ATP8A1: variants seen among roughly 807,000 people sequenced by gnomAD.
ATP8A1 encodes ATPase phospholipid transporting 8A1, also known as phospholipid-transporting ATPase IA.
A neutral mutation model predicts 177.7 loss-of-function variants in ATP8A1; 90 were observed. The ratio of observed to expected loss-of-function variants is 0.51; its 90% CI spans 0.43 to 0.60. The LOEUF is 0.60. ATP8A1 is among the 20% of genes least tolerant of loss of function. The probability of loss-of-function intolerance (pLI) is 0.00; values close to 1 mark genes in which losing one functional copy is unlikely to be tolerated. For synonymous variants in ATP8A1, 493 were observed against 485.9 expected, an observed-to-expected ratio of 1.01 and a Z score of -0.19; for missense variants, 1,072 against 1,392.8, an observed-to-expected ratio of 0.77 and a Z score of 3.67.
At position 42,464,877 on chromosome 4, in the gene ATP8A1, A is replaced by G. The variant is rs780047512; in HGVS notation, c.2508+16T>C. ...GACTGAGAGGAATGATGTGTTTTGCAGAAATGACGCTTTACCTGAGCTATG... is the reference window on the plus strand; with the variant it reads ...GACTGAGAGGAATGATGTGTTTTGCGGAAATGACGCTTTACCTGAGCTATG... On this transcript the variant is annotated intron_variant, in intron 26 of 36. Transcript: ENST00000381668. 1.9e-5 allele frequency: 30 copies of G among 1,613,398 alleles called. No homozygotes were observed. The highest frequency in any genetic ancestry group is 2.5e-5 in the Non-Finnish European group (30 of 1,179,476).
intron 16 of ATP8A1, among the ~76,000 whole-genome samples, chr4:42,555,134 TATCTAATC>T (rs1217457425): frequency 0.038 from 3,177 of 83,600 alleles, 82 homozygotes; most frequent in African/African-American, 0.045. Context: ...TCTATCTATC[TATCTAATC>T]TATCTATCTA....
intron 19 of ATP8A1, 147 bp downstream of exon 19, chr4:42,548,866 A>G: frequency 1.6e-6 from 1 of 634,794 alleles, no homozygotes. Flanking sequence ...AGAATAAAAA[A>G]TGTACTAAAG....
Position 42,433,950 on chromosome 4 carries a change from T to A in ATP8A1, c.3123+9615A>T, listed in dbSNP as rs1040685040. 5.4e-4 allele frequency among the ~76,000 whole-genome samples: 82 copies of A among 151,886 alleles called. 1 individual carries two copies. Among genetic ancestry groups the A allele is most frequent in the African/African-American group, 1.8e-3 (73 of 41,430 alleles). On this transcript the variant is annotated intron_variant, in intron 33 of 36. Coordinates refer to ENST00000381668, the MANE Select transcript of ATP8A1 (RefSeq NM_006095.2). The stretch of plus-strand genomic sequence containing the variant: ...ACTAGAAGTTAATTTTTATAAAAAA[T>A]TTTTTGACTATATATCAATGCATAC...
chr4:42,611,778 C>T (rs2109435802), intron 5 of ATP8A1, among the ~76,000 whole-genome samples: 1 of 152,320 alleles, frequency 6.6e-6, no homozygotes, highest in Non-Finnish European at 1.5e-5. Context: ...GGACTGGCTT[C>T]AATGTGCATA....
intron 30 of ATP8A1, among the ~76,000 whole-genome samples, chr4:42,449,107 A>T (rs957531301): frequency 6.6e-6 from 1 of 152,160 alleles, no homozygotes; most frequent in South Asian, 2.1e-4. Flanking sequence ...AAGTGCTGGG[A>T]TTACAGGTGT....
intron 24 of ATP8A1, among the ~76,000 whole-genome samples, chr4:42,493,149 G>A (rs1334058085): frequency 1.3e-5 from 2 of 152,262 alleles, no homozygotes; most frequent in East Asian, 1.9e-4. Context: ...AGGCTGGCCC[G>A]TGAGGGTGCA....
chr4:42,548,594 A>T (rs1354560272), intron 19 of ATP8A1, among the ~76,000 whole-genome samples: 1 of 152,174 alleles, frequency 6.6e-6, no homozygotes, highest in Non-Finnish European at 1.5e-5. Flanking sequence ...TACACAACAC[A>T]TTGTTGTTAA....
In ATP8A1 at chr4:42,625,594, G is replaced by A; in HGVS notation, c.264+20C>T. ...TATTAGTACCTGAACATTTGACAAG[G>A]TTTTATGACGTGACTTTACCTGCAG... On this transcript the variant is annotated intron_variant, in intron 3 of 36. Transcript: ENST00000381668. 2.6e-6 allele frequency: 4 copies of A among 1,530,790 alleles called. No individual in the cohort carries two copies. Among genetic ancestry groups the A allele is most frequent in the East Asian group, 2.3e-5 (1 of 43,792 alleles). 94.8% of individuals were successfully genotyped at this position (1,530,790 alleles called of 1,614,324 possible).
intron 5 of ATP8A1, among the ~76,000 whole-genome samples, chr4:42,612,626 C>T (rs1736480642): frequency 6.6e-6 from 1 of 151,710 alleles, no homozygotes; most frequent in Non-Finnish European, 1.5e-5. Context: ...GAATCATCAA[C>T]CAAACCAGCT....
intron 14 of ATP8A1, among the ~76,000 whole-genome samples, chr4:42,571,660 A>ACATTACTGGCCGGG (rs1383502721): frequency 6.6e-6 from 1 of 152,164 alleles, no homozygotes; most frequent in African/African-American, 2.4e-5. Flanking sequence ...TTACAGTAAA[A>ACATTACTGGCCGGG]TGTCTGGTTT....
At chr4:42,648,539 A>C (rs1176366666) in intron 1 of ATP8A1, among the ~76,000 whole-genome samples, 1 of 152,188 alleles carries the variant, frequency 6.6e-6, no homozygotes, top group African/African-American at 2.4e-5. Flanking sequence ...ACCACAAAGT[A>C]AATCACACAG....
chr4:42,547,222 C>A (rs1371022766), intron 19 of ATP8A1, among the ~76,000 whole-genome samples: 1 of 152,284 alleles, frequency 6.6e-6, no homozygotes, highest in Non-Finnish European at 1.5e-5. Flanking sequence ...CTCTATCTAC[C>A]CAGTTGTTCA....
intron 11 of ATP8A1, among the ~76,000 whole-genome samples, 175 bp from the exon 12 acceptor site, chr4:42,578,562 T>C (rs1175425009): frequency 6.6e-6 from 1 of 152,174 alleles, no homozygotes; most frequent in Non-Finnish European, 1.5e-5. Flanking sequence ...TAGAATTGCA[T>C]TGTGTTCAAT....
chr4:42,548,830 GGTTT>G (rs1376742718), intron 19 of ATP8A1, among the ~76,000 whole-genome samples, 179 bp downstream of exon 19: 2 of 151,878 alleles, frequency 1.3e-5, no homozygotes, highest in East Asian at 3.9e-4. Context: ...TGAAGAAAGT[GGTTT>G]GTAATTTATC....
chr4:42,443,323 A>G (rs186805220), intron 33 of ATP8A1, among the ~76,000 whole-genome samples: 112 of 152,282 alleles, frequency 7.4e-4, no homozygotes, highest in African/African-American at 2.6e-3. Flanking sequence ...CGACAACCAT[A>G]TTTTATTGTC....
chr4:42,541,710 A>G (rs1464917215), intron 20 of ATP8A1, among the ~76,000 whole-genome samples: 1 of 152,204 alleles, frequency 6.6e-6, no homozygotes, highest in Non-Finnish European at 1.5e-5. Context: ...CTCTCAAGCC[A>G]TGAAAAGACA....
intron 1 of ATP8A1, among the ~76,000 whole-genome samples, chr4:42,644,124 T>A (rs1042185892): frequency 6.6e-6 from 1 of 152,200 alleles, no homozygotes; most frequent in African/African-American, 2.4e-5. Flanking sequence ...GAAAAATATC[T>A]GACCTATAAA....
At chr4:42,519,181 G>A (rs748061999) in intron 22 of ATP8A1, among the ~76,000 whole-genome samples, 1 of 152,068 alleles carries the variant, frequency 6.6e-6, no homozygotes, top group African/African-American at 2.4e-5. Context: ...TCAGTCTCCT[G>A]GGCTCAGGCA....
chr4:42,613,259 T>C (rs2109440958), intron 5 of ATP8A1, among the ~76,000 whole-genome samples: 1 of 152,282 alleles, frequency 6.6e-6, no homozygotes, highest in South Asian at 2.1e-4. Context: ...ACTATTCTCT[T>C]AGGAAACAAA....
Sources: allele counts gnomAD v4.1 joint callset (sites outside exome capture counted in the v4.1 genomes callset), GRCh38; gene constraint gnomAD v4.1.1; transcripts MANE v1.5; gene names NCBI Gene and HGNC (gene_info 2026-07-23, HGNC 2026-07-21).